The following ADAMTS17 variants were observed in gnomAD, a reference collection of about 807,000 sequenced individuals.
ADAMTS17 encodes ADAM metallopeptidase with thrombospondin type 1 motif 17.
A neutral mutation model predicts 141.5 loss-of-function variants in ADAMTS17; 113 were observed. The ratio of observed to expected loss-of-function variants is 0.80; its 90% CI spans 0.69 to 0.93. The LOEUF (loss-of-function observed/expected upper bound fraction) is 0.93. Among genes scored for constraint, ADAMTS17 ranks in the 40% least tolerant of loss-of-function variants. ADAMTS17 has a pLI of 0.00. For missense variants in ADAMTS17, 1,659 were observed against 1,517.9 expected (o/e 1.09, Z -1.54); for synonymous variants, 768 against 630.6 (o/e 1.22, Z -3.27).
chr15:100,041,054 GTCTC>G (rs958586901), intron 18 of ADAMTS17, among the ~76,000 whole-genome samples: 10 of 152,134 alleles, frequency 6.6e-5, no homozygotes, highest in South Asian at 2.1e-4. Flanking sequence ...TTAAGTCATG[GTCTC>G]TCTCTCTGTC....
chr15:100,165,090 C>T (rs559051203), intron 8 of ADAMTS17, among the ~76,000 whole-genome samples: 1 of 152,216 alleles, frequency 6.6e-6, no homozygotes, highest in East Asian at 1.9e-4. Flanking sequence ...TTGGTAAAAG[C>T]TCAAGGGACA....
intron 8 of ADAMTS17, among the ~76,000 whole-genome samples, chr15:100,157,653 A>C (rs1458225486): frequency 2.0e-5 from 3 of 152,118 alleles, no homozygotes; most frequent in African/African-American, 7.2e-5. Flanking sequence ...TATTGAACGA[A>C]TTATCTGTTT....
chr15:100,257,146 A>G (rs2043354371), intron 6 of ADAMTS17: 1 of 152,226 alleles, frequency 6.6e-6, no homozygotes, highest in Admixed American at 6.5e-5. Flanking sequence ...AGGACCTGGA[A>G]GCTGGCCCCT....
rs1344443971 is a variant in ADAMTS17, at chr15:100,162,826, A to G, written c.1182-7506T>C. Among the ~76,000 whole-genome samples the G allele has an allele frequency of 1.4e-5, 2 of 145,198 alleles. 1 individual carries two copies. Among genetic ancestry groups the G allele is most frequent in the East Asian group, 4.4e-4 (2 of 4,542 alleles). ...ATATATGCACACATACACATTATATATATGTGTATAACTATATATAGTTAT... is the reference window on the plus strand; with the variant it reads ...ATATATGCACACATACACATTATATGTATGTGTATAACTATATATAGTTAT... On this transcript the variant is annotated intron_variant, in intron 8 of 21. Transcript: ENST00000268070.
chr15:100,073,224 C>A lies in ADAMTS17; in HGVS notation c.2138-19170G>T, dbSNP rs529086067. On this transcript the variant is annotated intron_variant, in intron 15 of 21. Transcript: ENST00000268070. ...AAAACCACAATGAGATACCATCTCA[C>A]ACCAGTTAGAATGGCAATCATTAAA... Among the ~76,000 whole-genome samples the A allele has an allele frequency of 6.0e-3, 912 of 152,284 alleles. 11 individuals are homozygous for A. Among genetic ancestry groups the A allele is most frequent in the African/African-American group, 0.021 (876 of 41,544 alleles).
chr15:100,136,086 C>CA (rs1167293580), intron 10 of ADAMTS17, among the ~76,000 whole-genome samples: 2 of 152,020 alleles, frequency 1.3e-5, no homozygotes, highest in Non-Finnish European at 2.9e-5. Context: ...GTATATAACG[C>CA]AAAAAATGTG....
intron 18 of ADAMTS17, among the ~76,000 whole-genome samples, chr15:100,022,314 C>T (rs532920452): frequency 1.3e-5 from 2 of 152,286 alleles, no homozygotes; most frequent in African/African-American, 2.4e-5. Context: ...ACCTCCTCCT[C>T]GGCGGTGGAC....
chr15:100,096,918 C>G (rs1332511536), intron 14 of ADAMTS17, among the ~76,000 whole-genome samples: 6 of 152,208 alleles, frequency 3.9e-5, no homozygotes, highest in Admixed American at 1.3e-4. Flanking sequence ...AACCAGTAGT[C>G]TCAGAACATA....
chr15:100,067,034 G>A (rs565048035), intron 15 of ADAMTS17, among the ~76,000 whole-genome samples: 5 of 131,488 alleles, frequency 3.8e-5, no homozygotes, highest in African/African-American at 5.8e-5. Context: ...TCTAAGTGTC[G>A]TTCCTTTCTG....
At position 100,152,485 on chromosome 15, in the gene ADAMTS17, C is replaced by T. The variant is rs554611310; in HGVS notation, c.1473+127G>A. 7.2e-6 allele frequency: 9 copies of T among 1,249,078 alleles called. No individual in the cohort carries two copies. In the African/African-American group the frequency reaches 1.3e-4, roughly 18 times the overall value. The allele number at this position is 1,249,078 out of a possible 1,614,324, so 77.4% of individuals were successfully genotyped here. ...ACGTGTGTGTGCATATACATGTATACCTGTGCTTGTGTGTGTATGTGCCTG... is the reference window on the plus strand; with the variant it reads ...ACGTGTGTGTGCATATACATGTATATCTGTGCTTGTGTGTGTATGTGCCTG... On this transcript the variant is annotated intron_variant, in intron 10 of 21. Transcript: ENST00000268070.
intron 18 of ADAMTS17, among the ~76,000 whole-genome samples, chr15:100,014,285 G>T (rs2061245203): frequency 6.6e-6 from 1 of 151,720 alleles, no homozygotes; most frequent in Admixed American, 6.6e-5. Context: ...TCTTTTCTTG[G>T]TTACTCTTGC....
intron 15 of ADAMTS17, among the ~76,000 whole-genome samples, chr15:100,063,957 T>A (rs2033323791): frequency 6.6e-6 from 1 of 152,108 alleles, no homozygotes; most frequent in African/African-American, 2.4e-5. Context: ...TTTGCACGTG[T>A]TTCAGGTTGA....
chr15:100,127,674 C>T (rs774791448), intron 12 of ADAMTS17, among the ~76,000 whole-genome samples: 80 of 152,310 alleles, frequency 5.3e-4, no homozygotes, highest in Non-Finnish European at 8.7e-4. Context: ...CTGCACCTCC[C>T]GGGTACAAGC....
At chr15:100,026,376 G>A (rs1444239916) in intron 18 of ADAMTS17, among the ~76,000 whole-genome samples, 1 of 152,142 alleles carries the variant, frequency 6.6e-6, no homozygotes, top group African/African-American at 2.4e-5. Context: ...TGTACAACTT[G>A]CTGGCATACA....
chr15:100,246,036 C>T (rs1000125650), intron 7 of ADAMTS17, among the ~76,000 whole-genome samples: 5 of 152,150 alleles, frequency 3.3e-5, no homozygotes, highest in Non-Finnish European at 4.4e-5. Context: ...TCGGGATCGC[C>T]AGTCCTCGTC....
At chr15:100,281,463 G>A in intron 3 of ADAMTS17, 62 bp from the exon 4 acceptor site, 1 of 1,563,044 alleles carries the variant, frequency 6.4e-7, no homozygotes, top group African/African-American at 1.4e-5. Context: ...ACCATGCAGT[G>A]AACAGGCCTT....
At chr15:100,006,961 C>A (rs2061048191) in intron 18 of ADAMTS17, among the ~76,000 whole-genome samples, 1 of 152,232 alleles carries the variant, frequency 6.6e-6, no homozygotes. Context: ...CCCGCTCAGT[C>A]TCAGCCTCTT....
At chr15:100,064,708 G>A (rs1314374649) in intron 15 of ADAMTS17, among the ~76,000 whole-genome samples, 2 of 152,194 alleles carry the variant, frequency 1.3e-5, no homozygotes, top group East Asian at 1.9e-4. Context: ...CGGCAGGTAG[G>A]AAGTGAAGAC....
intron 14 of ADAMTS17, among the ~76,000 whole-genome samples, chr15:100,100,540 G>A (rs1305242026): frequency 1.3e-5 from 2 of 152,152 alleles, no homozygotes; most frequent in African/African-American, 4.8e-5. Context: ...GGAACTGACA[G>A]ACAGGCATCC....
Sources: gnomAD v4.1 joint callset for allele counts (sites outside exome capture counted in the v4.1 genomes callset) on GRCh38, gnomAD v4.1.1 for gene constraint, MANE v1.5 for transcripts, NCBI Gene and HGNC (gene_info 2026-07-23, HGNC 2026-07-21) for gene names.